ACAD10: variants seen among roughly 807,000 people sequenced by gnomAD.
ACAD10 encodes the protein acyl-CoA dehydrogenase family member 10, also known as ACAD-10.
In ACAD10, 112 loss-of-function variants were observed where a neutral mutation model predicts 116.8. The observed-to-expected ratio is 0.96, with a 90% CI of 0.82 to 1.12. ACAD10 has a LOEUF of 1.12. Ranked by LOEUF, ACAD10 falls within the 50% of genes most tolerant of loss-of-function variation. The probability of loss-of-function intolerance (pLI) is 0.00; values close to 1 mark genes in which losing one functional copy is unlikely to be tolerated. For synonymous variants in ACAD10, 486 were observed against 510.6 expected (o/e 0.95, Z 0.65); for missense variants, 1,259 against 1,350.2 (o/e 0.93, Z 1.06).
chr12:111,745,375 ATC>A (rs920187783), intron 13 of ACAD10: 3 of 381,020 alleles, frequency 7.9e-6, no homozygotes, highest in African/African-American at 6.2e-5. Context: ...CAGCTAATAA[ATC>A]TCTCTCTAGA....
At chr12:111,691,650 C>A (rs1430795904) in intron 1 of ACAD10, among the ~76,000 whole-genome samples, 1 of 147,700 alleles carries the variant, frequency 6.8e-6, no homozygotes, top group Non-Finnish European at 1.5e-5. Context: ...GGCTGGAGTG[C>A]AGTGGCACAA....
rs1292549488 is a variant in ACAD10, at chr12:111,705,840, G to A, written c.439G>A (p.Ala147Thr). The change falls in exon 4 of 21, where the codon GCA becomes ACA. Residue 147 changes from alanine to threonine, a missense_variant. Coordinates refer to ENST00000313698, the MANE Select transcript of ACAD10 (RefSeq NM_025247.6). ...GACTGAGGCCATAACTCAAATTCGG[G>A]CAAAAGGTCTTCAGACTGCAGTCTT... ...VMTEAITQIR[A>T]KGLQTAVLSN... 1.2e-6 allele frequency: 2 copies of A among 1,614,136 alleles called. No homozygotes were observed. Among genetic ancestry groups the A allele is most frequent in the Non-Finnish European group, 1.7e-6 (2 of 1,180,036 alleles).
intron 2 of ACAD10, among the ~76,000 whole-genome samples, chr12:111,698,298 T>C (rs919483696): frequency 3.7e-5 from 5 of 133,888 alleles, no homozygotes; most frequent in Non-Finnish European, 4.7e-5. Flanking sequence ...GCATCTGGCC[T>C]TTTTTTTTTT....
At chr12:111,737,683 T>C (rs1475315419) in intron 12 of ACAD10, among the ~76,000 whole-genome samples, 2 of 152,222 alleles carry the variant, frequency 1.3e-5, no homozygotes, top group African/African-American at 4.8e-5. Flanking sequence ...TTTTTCTGTT[T>C]ATCTGTCTTC....
chr12:111,747,017 A>G (rs1199953317), intron 14 of ACAD10, 32 bp from the exon 15 acceptor site: 2 of 1,545,402 alleles, frequency 1.3e-6, no homozygotes, highest in Admixed American at 4.0e-5. Flanking sequence ...AGAGGACATG[A>G]CAGTCATGGT....
At chr12:111,742,778 C>T (rs987423320) in intron 12 of ACAD10, among the ~76,000 whole-genome samples, 5 of 152,130 alleles carry the variant, frequency 3.3e-5, no homozygotes, top group East Asian at 3.9e-4. Context: ...GGCATGATCT[C>T]GGCCCACGGC....
chr12:111,729,738 G>A (rs1448842299), intron 9 of ACAD10, 68 bp from the exon 10 acceptor site: 2 of 1,533,708 alleles, frequency 1.3e-6, no homozygotes, highest in African/African-American at 1.4e-5. Flanking sequence ...CACTGCACTG[G>A]TTTTTTTTTC....
rs547394331 is a variant in ACAD10, at chr12:111,735,948, C to T, written c.1541-883C>T. ...AGGCTGGACCACAGTGGCGCAATCT[C>T]GGCTCACTGCAACCTCTGCCTCCCG... On this transcript the variant is annotated intron_variant, in intron 11 of 20. Coordinates refer to ENST00000313698, the MANE Select transcript of ACAD10 (RefSeq NM_025247.6). Among the ~76,000 whole-genome samples the T allele has an allele frequency of 1.0e-3, 156 of 152,150 alleles. 1 individual carries two copies. The highest frequency in any genetic ancestry group is 3.4e-3 in the Middle Eastern group (1 of 294).
chr12:111,714,220 G>A (rs2135959849), intron 6 of ACAD10, among the ~76,000 whole-genome samples: 1 of 151,754 alleles, frequency 6.6e-6, no homozygotes. Flanking sequence ...ACTGCAGCCT[G>A]GGCAGCAGAG....
chr12:111,749,229 C>T lies in ACAD10; in HGVS notation c.2701C>T (p.Leu901=). 1 of 1,614,128 alleles carries T rather than the reference C, an allele frequency of 6.2e-7. No individual in the cohort carries two copies. The highest frequency in any genetic ancestry group is 8.5e-7 in the Non-Finnish European group (1 of 1,180,026). ...HVRVPKENMV[L]GPGRGFEIAQ... is the part of the protein sequence containing the mutation. Reference sequence around the variant, plus strand: ...GCGTGTGCCCAAAGAGAACATGGTCCTGGGCCCTGGCCGAGGCTTTGAGAT... The same window carrying T: ...GCGTGTGCCCAAAGAGAACATGGTCTTGGGCCCTGGCCGAGGCTTTGAGAT... Residue 901 remains leucine, a synonymous_variant, in exon 18 of 21, where the codon CTG becomes TTG. Coordinates refer to ENST00000313698, the MANE Select transcript of ACAD10 (RefSeq NM_025247.6).
At chr12:111,689,106 G>A (rs607468) in intron 1 of ACAD10, among the ~76,000 whole-genome samples, 18 of 152,054 alleles carry the variant, frequency 1.2e-4, no homozygotes, top group African/African-American at 3.9e-4. Context: ...CAGGAGAATC[G>A]CTTGAACCCA....
chr12:111,717,788 A>G (rs914645776), intron 7 of ACAD10, among the ~76,000 whole-genome samples: 2 of 152,012 alleles, frequency 1.3e-5, no homozygotes, highest in South Asian at 2.1e-4. Flanking sequence ...GCCTCAAGCA[A>G]TCCTCCCACC....
At chr12:111,733,587 G>A (rs561330954) in intron 10 of ACAD10, among the ~76,000 whole-genome samples, 10 of 152,310 alleles carry the variant, frequency 6.6e-5, no homozygotes, top group African/African-American at 2.4e-4. Flanking sequence ...TGGGAGGAGT[G>A]TCAAAGGATT....
chr12:111,714,721 A>T (rs1379105782), intron 6 of ACAD10, among the ~76,000 whole-genome samples: 2 of 150,034 alleles, frequency 1.3e-5, no homozygotes, highest in East Asian at 2.0e-4. Flanking sequence ...ATTAAATTAA[A>T]TTTTTTTTGA....
chr12:111,736,927 A>C lies in ACAD10; in HGVS notation c.1637A>C (p.Asn546Thr), dbSNP rs1225548921. The C allele has an allele frequency of 2.5e-6, 4 of 1,614,012 alleles. No individual in the cohort carries two copies. The South Asian group carries it at 4.4e-5, about 18-fold the overall frequency. Residue 546 changes from asparagine (N) to threonine (T), a missense_variant, in exon 12 of 21, where the codon AAC (asparagine) becomes ACC (threonine). Transcript: ENST00000313698. The stretch of plus-strand genomic sequence containing the variant: ...CAAATGGGGCTCCCTCCCACTGAGA[A>C]CTGGAACTTCTATATGGCTTTTTCC... ...CLQMGLPPTE[N>T]WNFYMAFSFF...
At position 111,756,592 on chromosome 12, in the gene ACAD10, C is replaced by T. The variant is rs1438148417; in HGVS notation, c.*119C>T. The T allele has an allele frequency of 1.4e-6, 2 of 1,461,088 alleles. No individual in the cohort carries two copies. The highest frequency in any genetic ancestry group is 4.8e-5 in the East Asian group (2 of 41,560). 90.5% of individuals were successfully genotyped at this position (1,461,088 alleles called of 1,614,324 possible). On this transcript the variant is annotated 3_prime_UTR_variant, in exon 21 of 21. Transcript: ENST00000313698. ...CCTGCACCCTGCTCAGCAGCTCTGT[C>T]CCGGGACAGTCAGGGTGGACTCAAT...
At chr12:111,740,856 AAAG>A (rs1889719534) in intron 12 of ACAD10, among the ~76,000 whole-genome samples, 1 of 151,978 alleles carries the variant, frequency 6.6e-6, no homozygotes, top group African/African-American at 2.4e-5. Context: ...AGGCAAGGAG[AAAG>A]AAGGAGAAAG....
At chr12:111,737,877 G>C (rs1372496605) in intron 12 of ACAD10, among the ~76,000 whole-genome samples, 1 of 150,980 alleles carries the variant, frequency 6.6e-6, no homozygotes, top group Non-Finnish European at 1.5e-5. Flanking sequence ...TGTTGAGACA[G>C]TTTCTCACTC....
intron 7 of ACAD10, among the ~76,000 whole-genome samples, chr12:111,717,839 C>T (rs1367642419): frequency 2.0e-5 from 3 of 151,806 alleles, no homozygotes; most frequent in Non-Finnish European, 4.4e-5. Context: ...CATGAGCCAG[C>T]GTGCCTGGCC....
Sources: allele counts gnomAD v4.1 joint callset (sites outside exome capture counted in the v4.1 genomes callset), GRCh38; gene constraint gnomAD v4.1.1; transcripts MANE v1.5; gene names NCBI Gene and HGNC (gene_info 2026-07-23, HGNC 2026-07-21).